The following CADPS2 variants were observed in gnomAD, a reference collection of about 807,000 sequenced individuals.
CADPS2 encodes calcium dependent secretion activator 2.
CADPS2 carries 93 observed loss-of-function variants against 172.5 expected under a neutral mutation model. The observed-to-expected ratio is 0.54, with a 90% confidence interval of 0.46 to 0.64. The LOEUF (loss-of-function observed/expected upper bound fraction) is 0.64, where lower values mean the gene tolerates loss of function less well. CADPS2 is among the 30% of genes least tolerant of loss of function. The pLI, the probability that CADPS2 is intolerant of heterozygous loss-of-function variation, is 0.00. For synonymous variants in CADPS2, 546 were observed against 555.2 expected, an observed-to-expected ratio of 0.98 and a Z score of 0.23; for missense variants, 1,420 against 1,565.9, an observed-to-expected ratio of 0.91 and a Z score of 1.57.
intron 8 of CADPS2, among the ~76,000 whole-genome samples, chr7:122,538,369 T>G (rs1471172313): frequency 3.3e-5 from 5 of 149,536 alleles, no homozygotes; most frequent in Admixed American, 2.7e-4. Flanking sequence ...TTTTGTTTTT[T>G]TTTTTTAAAA....
At chr7:122,872,419 C>A (rs1287734737) in intron 1 of CADPS2, among the ~76,000 whole-genome samples, 1 of 151,992 alleles carries the variant, frequency 6.6e-6, no homozygotes, top group African/African-American at 2.4e-5. Context: ...TATACAAAAG[C>A]TTATAATATA....
intron 17 of CADPS2, chr7:122,424,249 C>T: frequency 2.6e-6 from 2 of 766,044 alleles, no homozygotes; most frequent in Non-Finnish European, 3.2e-6. Flanking sequence ...AGTTAATATT[C>T]TCCCGGAATT....
At chr7:122,841,616 G>C (rs183781360) in intron 1 of CADPS2, among the ~76,000 whole-genome samples, 2 of 152,234 alleles carry the variant, frequency 1.3e-5, no homozygotes, top group African/African-American at 2.4e-5. Context: ...AAGCTTTGCC[G>C]CAAGAGTAGG....
chr7:122,745,276 C>G (rs2092675646), intron 1 of CADPS2, among the ~76,000 whole-genome samples: 1 of 151,816 alleles, frequency 6.6e-6, no homozygotes, highest in African/African-American at 2.4e-5. Flanking sequence ...AAACTTTGCC[C>G]TCTTCTAACA....
Position 122,513,299 on chromosome 7 carries a change from C to A in CADPS2, c.1492G>T (p.Gly498Ter), listed in dbSNP as rs868187905. ...TTCCATCTTTTCCAAACCTTCTGTC[C>A]AAGGGCATACAGATATCTGGAAAGA... ...MKHSGYLYAL[G>*]QKVWKRWKKR... Residue 498 changes from glycine (G) to a stop codon, truncating the protein, a stop_gained, in exon 9 of 30, where the codon GGA becomes TGA. Coordinates refer to ENST00000449022, the MANE Select transcript of CADPS2 (RefSeq NM_017954.11). LOFTEE classifies it high-confidence loss of function. The A allele has an allele frequency of 1.3e-6, 2 of 1,559,816 alleles. No homozygotes were observed. Among genetic ancestry groups the A allele is most frequent in the East Asian group, 4.7e-5 (2 of 42,174 alleles).
intron 9 of CADPS2, among the ~76,000 whole-genome samples, chr7:122,503,378 T>A (rs938144806): frequency 6.6e-6 from 1 of 152,234 alleles, no homozygotes; most frequent in South Asian, 2.1e-4. Context: ...ATCACAAAAG[T>A]ATTTAGATTC....
intron 3 of CADPS2, among the ~76,000 whole-genome samples, chr7:122,644,748 C>A (rs984703680): frequency 3.6e-4 from 54 of 152,042 alleles, no homozygotes; most frequent in African/African-American, 1.3e-3. Context: ...TAATTTCATA[C>A]AACAAAAAGA....
At chr7:122,781,871 C>G (rs1792822861) in intron 1 of CADPS2, among the ~76,000 whole-genome samples, 1 of 152,014 alleles carries the variant, frequency 6.6e-6, no homozygotes, top group Admixed American at 6.6e-5. Context: ...CAAAAATAAC[C>G]ACGGTGAAAT....
chr7:122,583,894 C>T (rs1253146448), intron 6 of CADPS2, among the ~76,000 whole-genome samples: 2 of 150,996 alleles, frequency 1.3e-5, no homozygotes, highest in African/African-American at 4.8e-5. Context: ...TACATACACT[C>T]ACACACATAT....
chr7:122,418,643 A>G lies in CADPS2; in HGVS notation c.2477-2479T>C, dbSNP rs371686773. Among the ~76,000 whole-genome samples, 10 of 152,276 alleles carry G rather than the reference A, an allele frequency of 6.6e-5. No homozygotes were observed. In the East Asian group the frequency reaches 1.9e-3, roughly 29 times the overall value. ...AAAGATGATAGTAGGAATAGAAAAGAAGGGAAAGATGCACAGACACTCCAA... is the reference window on the plus strand; with the variant it reads ...AAAGATGATAGTAGGAATAGAAAAGGAGGGAAAGATGCACAGACACTCCAA... On this transcript the variant is annotated intron_variant, in intron 17 of 29. Coordinates refer to ENST00000449022, the MANE Select transcript of CADPS2 (RefSeq NM_017954.11).
intron 1 of CADPS2, among the ~76,000 whole-genome samples, chr7:122,832,824 C>T (rs1807004631): frequency 1.3e-5 from 2 of 152,272 alleles, no homozygotes; most frequent in South Asian, 2.1e-4. Flanking sequence ...CCAAATTCCC[C>T]TTTTTCTATG....
At chr7:122,884,158 A>AT (rs1483855004) in intron 1 of CADPS2, among the ~76,000 whole-genome samples, 1 of 152,222 alleles carries the variant, frequency 6.6e-6, no homozygotes, top group African/African-American at 2.4e-5. Context: ...ACCAAACATT[A>AT]TTTTTACACT....
chr7:122,834,826 G>C (rs1411964952), intron 1 of CADPS2, among the ~76,000 whole-genome samples: 1 of 152,208 alleles, frequency 6.6e-6, no homozygotes, highest in African/African-American at 2.4e-5. Flanking sequence ...GCTCAAGGAG[G>C]CCTGCCTGCC....
chr7:122,861,444 T>C (rs1056304484), intron 1 of CADPS2, among the ~76,000 whole-genome samples: 2 of 152,208 alleles, frequency 1.3e-5, no homozygotes, highest in East Asian at 1.9e-4. Flanking sequence ...CATTTTTAAA[T>C]TGGATTATTT....
intron 2 of CADPS2, among the ~76,000 whole-genome samples, chr7:122,712,027 T>TA (rs890683399): frequency 1.9e-4 from 29 of 151,544 alleles, no homozygotes; most frequent in East Asian, 3.9e-4. Flanking sequence ...TTTTTAAATT[T>TA]AAAAAAAAAC....
intron 2 of CADPS2, chr7:122,702,579 C>T (rs747405049): frequency 6.2e-7 from 1 of 1,613,532 alleles, no homozygotes; most frequent in African/African-American, 1.3e-5. Flanking sequence ...ACTCCACTCT[C>T]TCCTAATTCC....
rs1437150042 is a variant in CADPS2 at position 122,416,076 on chromosome 7, T to G, written c.2565A>C (p.Glu855Asp). ...ELCIEVLQQN[E>D]EHHAEGREAF... ...AGGTCATCACCTCTGCATGATGCTC[T>G]TCATTCTGCTGTAAGACTTCTATGC... The change falls in exon 18 of 30, where the codon GAA becomes GAC. Residue 855 changes from glutamate (E) to aspartate (D), a missense_variant. Transcript: ENST00000449022. The G allele has an allele frequency of 6.5e-7, 1 of 1,534,564 alleles. No homozygotes were observed. The highest frequency in any genetic ancestry group is 8.8e-7 in the Non-Finnish European group (1 of 1,133,396).
At chr7:122,718,418 A>G (rs2089952667) in intron 2 of CADPS2, among the ~76,000 whole-genome samples, 3 of 152,020 alleles carry the variant, frequency 2.0e-5, no homozygotes, top group Admixed American at 2.0e-4. Context: ...AGGGAGGAAG[A>G]AAGATGGGGA....
intron 1 of CADPS2, among the ~76,000 whole-genome samples, chr7:122,759,308 T>G (rs967813167): frequency 2.0e-5 from 3 of 152,102 alleles, no homozygotes; most frequent in African/African-American, 7.2e-5. Context: ...CATATACTCT[T>G]AAGAGTAATG....
Sources: gnomAD v4.1 joint callset for allele counts (sites outside exome capture counted in the v4.1 genomes callset) on GRCh38, gnomAD v4.1.1 for gene constraint, MANE v1.5 for transcripts, NCBI Gene and HGNC (gene_info 2026-07-23, HGNC 2026-07-21) for gene names.